The following GALNT13 variants were observed in gnomAD, a reference collection of about 807,000 sequenced individuals.
GALNT13 encodes polypeptide N-acetylgalactosaminyltransferase 13, also known as UDP-GalNAc:polypeptide N-acetylgalactosaminyltransferase 13.
Under a neutral mutation model 64.2 loss-of-function variants are expected in GALNT13, and 28 were observed. The ratio of observed to expected loss-of-function variants is 0.44; its 90% CI spans 0.32 to 0.60. GALNT13 has a LOEUF of 0.60. GALNT13 is among the 20% of genes least tolerant of loss of function. The pLI, the probability that GALNT13 is intolerant of heterozygous loss-of-function variation, is 0.05. For missense variants in GALNT13, 577 were observed against 669.8 expected, an observed-to-expected ratio of 0.86 and a Z score of 1.53; for synonymous variants, 214 against 224.6, an observed-to-expected ratio of 0.95 and a Z score of 0.42.
chr2:153,324,931 G>A, the GALNT13 span, among the ~76,000 whole-genome samples: 2 of 152,042 alleles, frequency 1.3e-5, no homozygotes, highest in Admixed American at 6.6e-5. Context: ...AGGGATATTG[G>A]CCTGAATTTT....
the GALNT13 span, among the ~76,000 whole-genome samples, chr2:153,581,659 T>G: frequency 6.6e-6 from 1 of 151,744 alleles, no homozygotes; most frequent in Non-Finnish European, 1.5e-5. Context: ...AGAGTAAAAC[T>G]TATGTATAAG....
At chr2:153,315,213 A>C in the GALNT13 span, among the ~76,000 whole-genome samples, 2 of 152,332 alleles carry the variant, frequency 1.3e-5, no homozygotes, top group Non-Finnish European at 2.9e-5. Context: ...AACAAAATCT[A>C]ATAGACATGG....
At chr2:153,947,574 G>A (rs1002633070) in intron 3 of GALNT13, among the ~76,000 whole-genome samples, 16 of 151,560 alleles carry the variant, frequency 1.1e-4, no homozygotes, top group Admixed American at 8.6e-4. Flanking sequence ...ATAGATGCAG[G>A]ATATTAGACC....
the GALNT13 span, among the ~76,000 whole-genome samples, chr2:153,404,630 T>C: frequency 1.3e-5 from 2 of 152,180 alleles, no homozygotes; most frequent in African/African-American, 4.8e-5. Context: ...AAATTTGGAA[T>C]CCAGGAAGGA....
intron 3 of GALNT13, among the ~76,000 whole-genome samples, chr2:154,035,822 G>A (rs1286545176): frequency 2.6e-5 from 4 of 151,958 alleles, no homozygotes; most frequent in Admixed American, 2.0e-4. Flanking sequence ...TGGGGTTGTA[G>A]CATTGTTATA....
At chr2:153,730,858 C>T in the GALNT13 span, among the ~76,000 whole-genome samples, 33 of 151,960 alleles carry the variant, frequency 2.2e-4, no homozygotes, top group African/African-American at 7.9e-4. Context: ...TTACACCAGT[C>T]TGAATGACTA....
the GALNT13 span, among the ~76,000 whole-genome samples, chr2:153,258,369 A>AAAAACAAAACAAAACAAAAC: frequency 0.054 from 7,872 of 147,096 alleles, 258 homozygotes; most frequent in South Asian, 0.089. Context: ...CTGGTCTCCC[A>AAAAACAAAACAAAACAAAAC]AAAACAAAAC....
the GALNT13 span, among the ~76,000 whole-genome samples, chr2:153,434,530 T>G: frequency 6.6e-6 from 1 of 152,346 alleles, no homozygotes; most frequent in East Asian, 1.9e-4. Context: ...TTCTAACTGG[T>G]GTGAGATGGT....
the GALNT13 span, among the ~76,000 whole-genome samples, chr2:153,169,772 C>A: frequency 3.3e-3 from 507 of 152,272 alleles, 2 homozygotes; most frequent in African/African-American, 0.012. Context: ...TTTGTCTTTT[C>A]AAAGCAGAGC....
the GALNT13 span, among the ~76,000 whole-genome samples, chr2:153,694,517 A>G: frequency 6.6e-6 from 1 of 152,212 alleles, no homozygotes; most frequent in Non-Finnish European, 1.5e-5. Flanking sequence ...AAAACAGGAC[A>G]TATGTATGAT....
At chr2:153,220,208 T>G in the GALNT13 span, among the ~76,000 whole-genome samples, 1 of 152,174 alleles carries the variant, frequency 6.6e-6, no homozygotes. Flanking sequence ...GAGGGCTCTC[T>G]CCACCCACCA....
chr2:154,219,307 G>A (rs1688205163), intron 4 of GALNT13, among the ~76,000 whole-genome samples: 1 of 151,870 alleles, frequency 6.6e-6, no homozygotes, highest in Admixed American at 6.6e-5. Context: ...TTAAAGGTAA[G>A]GAAATTAGTC....
the GALNT13 span, among the ~76,000 whole-genome samples, chr2:153,627,044 G>A: frequency 6.6e-6 from 1 of 152,086 alleles, no homozygotes; most frequent in East Asian, 1.9e-4. Context: ...AAAGGGATGA[G>A]GAATAAGTGC....
At chr2:153,848,924 G>T in the GALNT13 span, among the ~76,000 whole-genome samples, 4 of 151,222 alleles carry the variant, frequency 2.6e-5, no homozygotes, top group Admixed American at 2.6e-4. Flanking sequence ...CTCTTCCAGA[G>T]AATAGAAAAT....
intron 2 of GALNT13, among the ~76,000 whole-genome samples, chr2:153,925,427 C>T (rs11688238): frequency 0.2 from 30,507 of 151,120 alleles, 4,026 homozygotes; most frequent in Middle Eastern, 0.34. Flanking sequence ...TGTTCTTGTA[C>T]CTGTACCATG....
chr2:154,029,601 A>G (rs867302926), intron 3 of GALNT13, among the ~76,000 whole-genome samples: 1 of 152,058 alleles, frequency 6.6e-6, no homozygotes, highest in Admixed American at 6.6e-5. Context: ...AGACATAAAC[A>G]CTATTTACTC....
chr2:153,277,055 T>C, the GALNT13 span, among the ~76,000 whole-genome samples: 1 of 152,164 alleles, frequency 6.6e-6, no homozygotes, highest in Non-Finnish European at 1.5e-5. Flanking sequence ...TTTAAAGTAA[T>C]TTTAAGTTTT....
chr2:153,699,369 T>C, the GALNT13 span, among the ~76,000 whole-genome samples: 1 of 152,166 alleles, frequency 6.6e-6, no homozygotes, highest in Non-Finnish European at 1.5e-5. Flanking sequence ...TAGCACTAAA[T>C]GCCCTTATCA....
chr2:153,621,658 C>T, the GALNT13 span, among the ~76,000 whole-genome samples: 1 of 152,122 alleles, frequency 6.6e-6, no homozygotes, highest in African/African-American at 2.4e-5. Flanking sequence ...GACACTCAAA[C>T]CCCAACACAG....
Sources: allele counts gnomAD v4.1 joint callset (sites outside exome capture counted in the v4.1 genomes callset), GRCh38; gene constraint gnomAD v4.1.1; transcripts MANE v1.5; gene names NCBI Gene and HGNC (gene_info 2026-07-23, HGNC 2026-07-21).